The following CNTNAP2 variants were observed in gnomAD, a reference collection of about 807,000 sequenced individuals.
CNTNAP2 encodes the protein contactin-associated protein-like 2.
CNTNAP2 carries 98 observed loss-of-function variants against 155.2 expected under a neutral mutation model. That is an observed-to-expected ratio of 0.63 (90% CI 0.54 to 0.75). The LOEUF (loss-of-function observed/expected upper bound fraction) is 0.75. CNTNAP2 is among the 30% of genes least tolerant of loss of function. The probability of loss-of-function intolerance (pLI) is 0.00; values close to 1 mark genes in which losing one functional copy is unlikely to be tolerated. For missense variants in CNTNAP2, 1,727 were observed against 1,688.1 expected (o/e 1.02, Z -0.40); for synonymous variants, 651 against 631.2 (o/e 1.03, Z -0.47).
rs115538835 is a variant in CNTNAP2 at position 148,251,274 on chromosome 7, A to G, written c.3382-15759A>G. Among the ~76,000 whole-genome samples, 990 of 152,318 alleles carry G rather than the reference A, an allele frequency of 6.5e-3. 15 individuals are homozygous for G. The highest frequency in any genetic ancestry group is 0.023 in the African/African-American group (948 of 41,556). On this transcript the variant is annotated intron_variant, in intron 20 of 23. Coordinates refer to ENST00000361727, the MANE Select transcript of CNTNAP2 (RefSeq NM_014141.6). ...AATGATTTGCAGAACTCGGGAAAGCACTATACTTATGATCAAGTTTTACTA... is the reference window on the plus strand; with the variant it reads ...AATGATTTGCAGAACTCGGGAAAGCGCTATACTTATGATCAAGTTTTACTA...
At chr7:148,285,191 C>T (rs1422889447) in intron 21 of CNTNAP2, among the ~76,000 whole-genome samples, 2 of 152,204 alleles carry the variant, frequency 1.3e-5, no homozygotes, top group African/African-American at 2.4e-5. Flanking sequence ...GGTGATAAGA[C>T]AGACTCTGTG....
chr7:147,751,684 G>A (rs192752725), intron 13 of CNTNAP2, among the ~76,000 whole-genome samples: 43 of 152,310 alleles, frequency 2.8e-4, no homozygotes, highest in Middle Eastern at 3.4e-3. Flanking sequence ...TAATAAGTTC[G>A]AATGACGACA....
At chr7:147,534,836 C>A (rs746454058) in intron 11 of CNTNAP2, among the ~76,000 whole-genome samples, 2 of 152,098 alleles carry the variant, frequency 1.3e-5, no homozygotes, top group Non-Finnish European at 2.9e-5. Context: ...CCTGACTTCT[C>A]GCCCTTACAC....
At chr7:146,651,709 C>G (rs1386164939) in intron 1 of CNTNAP2, among the ~76,000 whole-genome samples, 1 of 152,178 alleles carries the variant, frequency 6.6e-6, no homozygotes, top group Admixed American at 6.6e-5. Context: ...ATTGCTGTCA[C>G]TCCCTTCCTT....
chr7:147,914,938 C>T (rs571488253), intron 14 of CNTNAP2, among the ~76,000 whole-genome samples: 1 of 152,238 alleles, frequency 6.6e-6, no homozygotes, highest in Admixed American at 6.5e-5. Context: ...AATTACAACG[C>T]AATAGATTAA....
intron 1 of CNTNAP2, among the ~76,000 whole-genome samples, chr7:146,642,856 T>G (rs1799735879): frequency 6.6e-6 from 1 of 151,972 alleles, no homozygotes; most frequent in Non-Finnish European, 1.5e-5. Context: ...CCATTCTAAC[T>G]GGTGTGAGAT....
At chr7:146,541,324 C>G (rs1403956630) in intron 1 of CNTNAP2, among the ~76,000 whole-genome samples, 1 of 152,014 alleles carries the variant, frequency 6.6e-6, no homozygotes, top group Non-Finnish European at 1.5e-5. Context: ...TATACCTCAT[C>G]CTACATTTCC....
At chr7:147,971,332 C>T (rs1166089732) in intron 14 of CNTNAP2, among the ~76,000 whole-genome samples, 5 of 152,092 alleles carry the variant, frequency 3.3e-5, no homozygotes, top group African/African-American at 7.2e-5. Context: ...TTTAACTGTA[C>T]ATTAACTGTA....
chr7:146,714,881 A>G (rs2129175968), intron 1 of CNTNAP2, among the ~76,000 whole-genome samples: 1 of 152,264 alleles, frequency 6.6e-6, no homozygotes, highest in East Asian at 1.9e-4. Flanking sequence ...GTCTAGACCC[A>G]TTATTTGGGT....
chr7:146,704,260 G>A (rs575884084), intron 1 of CNTNAP2, among the ~76,000 whole-genome samples: 4 of 152,128 alleles, frequency 2.6e-5, no homozygotes, highest in South Asian at 2.1e-4. Context: ...TGCTACATGC[G>A]TTATAAGCTC....
chr7:147,907,264 G>T (rs889440659), intron 14 of CNTNAP2, among the ~76,000 whole-genome samples: 4 of 152,020 alleles, frequency 2.6e-5, no homozygotes, highest in African/African-American at 9.7e-5. Flanking sequence ...CACCATGTTA[G>T]CCAGGATAGT....
intron 5 of CNTNAP2, among the ~76,000 whole-genome samples, chr7:147,109,712 A>G (rs1800836034): frequency 1.3e-5 from 2 of 152,100 alleles, no homozygotes; most frequent in African/African-American, 4.8e-5. Context: ...TCTGTGGAAT[A>G]GAAAAGACAA....
intron 19 of CNTNAP2, among the ~76,000 whole-genome samples, chr7:148,221,159 T>G (rs12704001): frequency 0.99 from 150,233 of 152,292 alleles, 74,133 homozygotes; most frequent in East Asian, 1. Context: ...TTCATTGTCT[T>G]CAAGGGCGTT....
intron 11 of CNTNAP2, among the ~76,000 whole-genome samples, chr7:147,535,876 G>A (rs558301427): frequency 5.5e-4 from 83 of 151,808 alleles, no homozygotes; most frequent in African/African-American, 1.8e-3. Context: ...TAAAAGACAG[G>A]CGTTGCCAGG....
At chr7:148,280,107 G>A (rs796588188) in intron 21 of CNTNAP2, among the ~76,000 whole-genome samples, 1 of 152,034 alleles carries the variant, frequency 6.6e-6, no homozygotes, top group East Asian at 1.9e-4. Context: ...TCAGGAGTTC[G>A]AGACCAGCCT....
chr7:147,566,994 C>G (rs1459637929), intron 12 of CNTNAP2, among the ~76,000 whole-genome samples: 3 of 152,114 alleles, frequency 2.0e-5, no homozygotes, highest in Non-Finnish European at 2.9e-5. Flanking sequence ...TGAAGAGCAA[C>G]TTGGCATCCA....
chr7:147,636,632 C>A (rs1383785303), intron 12 of CNTNAP2, among the ~76,000 whole-genome samples: 2 of 152,082 alleles, frequency 1.3e-5, no homozygotes, highest in Non-Finnish European at 1.5e-5. Flanking sequence ...GTGTGATATT[C>A]TCCTTTCTGT....
intron 13 of CNTNAP2, among the ~76,000 whole-genome samples, chr7:147,793,914 C>G (rs851694): frequency 2.0e-4 from 31 of 151,652 alleles, no homozygotes; most frequent in African/African-American, 5.3e-4. Flanking sequence ...ATTTTATTAT[C>G]TTTGATGCTG....
At chr7:147,856,968 G>A (rs118143445) in intron 13 of CNTNAP2, among the ~76,000 whole-genome samples, 1,670 of 152,250 alleles carry the variant, frequency 0.011, 91 homozygotes, top group Admixed American at 0.09. Context: ...GTTTGTCACA[G>A]CCAGACATAA....
Sources: allele counts gnomAD v4.1 joint callset (sites outside exome capture counted in the v4.1 genomes callset), GRCh38; gene constraint gnomAD v4.1.1; transcripts MANE v1.5; gene names NCBI Gene and HGNC (gene_info 2026-07-23, HGNC 2026-07-21).